The following ASAP1 variants were observed in gnomAD, a reference collection of about 807,000 sequenced individuals.
ASAP1 encodes ArfGAP with SH3 domain, ankyrin repeat and PH domain 1, also known as arf-GAP with SH3 domain, ANK repeat and PH domain-containing protein 1.
In ASAP1, 43 loss-of-function variants were observed where a neutral mutation model predicts 145.2. The observed-to-expected ratio is 0.30, with a 90% CI of 0.23 to 0.38. The LOEUF is 0.38. Among genes scored for constraint, ASAP1 ranks in the 10% least tolerant of loss-of-function variants. The pLI is 1.00. For synonymous variants in ASAP1, 546 were observed against 515.5 expected (o/e 1.06, Z -0.80); for missense variants, 1,018 against 1,355.3 (o/e 0.75, Z 3.91).
intron 15 of ASAP1, 70 bp downstream of exon 15, chr8:130,134,226 G>T: frequency 1.7e-6 from 2 of 1,194,762 alleles, no homozygotes; most frequent in East Asian, 2.6e-5. Context: ...AGAAAATGTT[G>T]ATGTGTATTG....
At chr8:130,378,319 T>C (rs1300473709) in intron 2 of ASAP1, among the ~76,000 whole-genome samples, 1 of 151,998 alleles carries the variant, frequency 6.6e-6, no homozygotes, top group African/African-American at 2.4e-5. Flanking sequence ...CTAAAAGAAA[T>C]AGATACTGGG....
chr8:130,372,240 T>G (rs1401275089), intron 2 of ASAP1, among the ~76,000 whole-genome samples: 1 of 152,174 alleles, frequency 6.6e-6, no homozygotes, highest in Non-Finnish European at 1.5e-5. Context: ...AGAAGCAAAT[T>G]TATTTACACA....
chr8:130,300,986 G>GC (rs1474537984), intron 3 of ASAP1, among the ~76,000 whole-genome samples: 1 of 152,034 alleles, frequency 6.6e-6, no homozygotes, highest in African/African-American at 2.4e-5. Flanking sequence ...TATTGCTATC[G>GC]CTAAATCAAA....
chr8:130,311,158 C>T (rs1198647512), intron 3 of ASAP1, among the ~76,000 whole-genome samples: 1 of 152,188 alleles, frequency 6.6e-6, no homozygotes, highest in Non-Finnish European at 1.5e-5. Flanking sequence ...GTTCTGACTA[C>T]AAGTGACAAG....
At chr8:130,104,673 T>C (rs1274762080) in intron 24 of ASAP1, among the ~76,000 whole-genome samples, 2 of 152,248 alleles carry the variant, frequency 1.3e-5, no homozygotes, top group African/African-American at 2.4e-5. Context: ...ATTAAATTTA[T>C]GTTCAAGTGC....
chr8:130,094,345 G>C (rs2097512540), intron 24 of ASAP1, among the ~76,000 whole-genome samples: 2 of 151,732 alleles, frequency 1.3e-5, no homozygotes, highest in African/African-American at 4.8e-5. Context: ...TGAGTAGCTG[G>C]GACTACAGGC....
At chr8:130,422,076 G>T (rs547178133) in intron 1 of ASAP1, among the ~76,000 whole-genome samples, 11 of 152,342 alleles carry the variant, frequency 7.2e-5, no homozygotes, top group Non-Finnish European at 1.2e-4. Flanking sequence ...CCAGAATCAG[G>T]CTGGTCAGGA....
At chr8:130,216,263 A>G (rs1816922845) in intron 4 of ASAP1, among the ~76,000 whole-genome samples, 1 of 152,234 alleles carries the variant, frequency 6.6e-6, no homozygotes, top group African/African-American at 2.4e-5. Flanking sequence ...TGCTTTTCAC[A>G]GTCCAGCTCT....
chr8:130,209,456 G>C (rs1421880742), intron 5 of ASAP1, among the ~76,000 whole-genome samples: 1 of 151,656 alleles, frequency 6.6e-6, no homozygotes, highest in Non-Finnish European at 1.5e-5. Context: ...CAGTGTAAAA[G>C]CAACAGTGAG....
chr8:130,101,535 T>G (rs2097528708), intron 24 of ASAP1, among the ~76,000 whole-genome samples: 2 of 151,892 alleles, frequency 1.3e-5, no homozygotes, highest in African/African-American at 2.4e-5. Flanking sequence ...TTTAGTTTTT[T>G]GGGGGGTAGC....
At chr8:130,299,654 A>C (rs1565185185) in intron 3 of ASAP1, among the ~76,000 whole-genome samples, 1 of 150,488 alleles carries the variant, frequency 6.6e-6, no homozygotes, top group East Asian at 1.9e-4. Context: ...AACAGTAAGG[A>C]AAAATGCAAA....
intron 24 of ASAP1, among the ~76,000 whole-genome samples, chr8:130,110,944 A>G (rs1375137989): frequency 6.6e-6 from 1 of 152,178 alleles, no homozygotes; most frequent in Non-Finnish European, 1.5e-5. Context: ...ATTCACTGGC[A>G]AAGACCAAAC....
At chr8:130,395,413 A>G (rs1828480839) in intron 2 of ASAP1, among the ~76,000 whole-genome samples, 1 of 152,200 alleles carries the variant, frequency 6.6e-6, no homozygotes, top group African/African-American at 2.4e-5. Flanking sequence ...GTCACATGGG[A>G]GAAGGGCAGT....
chr8:130,205,244 C>T (rs1194125554), intron 5 of ASAP1, among the ~76,000 whole-genome samples: 1 of 152,042 alleles, frequency 6.6e-6, no homozygotes, highest in African/African-American at 2.4e-5. Context: ...TAGACAATCA[C>T]GTACACATAT....
At chr8:130,164,487 A>G (rs2097676017) in intron 11 of ASAP1, among the ~76,000 whole-genome samples, 1 of 152,146 alleles carries the variant, frequency 6.6e-6, no homozygotes, top group African/African-American at 2.4e-5. Flanking sequence ...GCTACTTGGG[A>G]GGCTGAGGCA....
intron 10 of ASAP1, among the ~76,000 whole-genome samples, chr8:130,168,772 T>C (rs1306324022): frequency 6.6e-6 from 1 of 152,196 alleles, no homozygotes; most frequent in Non-Finnish European, 1.5e-5. Context: ...GATGGCTGTA[T>C]ACTCCCCTCC....
chr8:130,314,140 T>C (rs571372537), intron 3 of ASAP1, among the ~76,000 whole-genome samples: 48 of 152,328 alleles, frequency 3.2e-4, no homozygotes, highest in Non-Finnish European at 6.3e-4. Context: ...TGCAAGGCTC[T>C]CACTTGGGGT....
chr8:130,101,141 A>G (rs1215223581), intron 24 of ASAP1, among the ~76,000 whole-genome samples: 1 of 152,100 alleles, frequency 6.6e-6, no homozygotes, highest in East Asian at 1.9e-4. Flanking sequence ...TGGTCTATGC[A>G]TTTGTTTTTA....
At chr8:130,087,081 G>T (rs1272045014) in intron 25 of ASAP1, among the ~76,000 whole-genome samples, 2 of 152,110 alleles carry the variant, frequency 1.3e-5, no homozygotes, top group Non-Finnish European at 2.9e-5. Context: ...ACTGGGCGGG[G>T]CTAATCATCA....
Sources: gnomAD v4.1 joint callset for allele counts (sites outside exome capture counted in the v4.1 genomes callset) on GRCh38, gnomAD v4.1.1 for gene constraint, MANE v1.5 for transcripts, NCBI Gene and HGNC (gene_info 2026-07-23, HGNC 2026-07-21) for gene names.